The following KIF26B variants were observed in gnomAD, a reference collection of about 807,000 sequenced individuals.
KIF26B encodes the protein kinesin-like protein KIF26B.
In KIF26B, 63 loss-of-function variants were observed where a neutral mutation model predicts 151.2. That is an observed-to-expected ratio of 0.42 (90% confidence interval 0.34 to 0.51). KIF26B has a LOEUF of 0.51. KIF26B is among the 20% of genes least tolerant of loss of function. KIF26B has a pLI of 0.07. For missense variants in KIF26B, 2,813 were observed against 2,913.6 expected (o/e 0.97, Z 0.79); for synonymous variants, 1,357 against 1,262.1 (o/e 1.08, Z -1.59).
At chr1:245,614,403 G>A (rs2043562298) in intron 9 of KIF26B, among the ~76,000 whole-genome samples, 1 of 152,176 alleles carries the variant, frequency 6.6e-6, no homozygotes, top group Non-Finnish European at 1.5e-5. Context: ...TTGAACTCCT[G>A]ACCTCGTGAT....
intron 3 of KIF26B, among the ~76,000 whole-genome samples, chr1:245,416,147 G>T (rs1392791839): frequency 6.6e-6 from 1 of 150,658 alleles, no homozygotes; most frequent in East Asian, 1.9e-4. Flanking sequence ...AGGCACAGGG[G>T]CGCATGCCTG....
At chr1:245,666,621 A>G (rs2044218270) in intron 10 of KIF26B, among the ~76,000 whole-genome samples, 1 of 152,138 alleles carries the variant, frequency 6.6e-6, no homozygotes, top group Non-Finnish European at 1.5e-5. Flanking sequence ...GCTTTGTAAC[A>G]AGACCTCCCA....
chr1:245,678,731 T>C (rs575135574), intron 10 of KIF26B, among the ~76,000 whole-genome samples: 7 of 151,956 alleles, frequency 4.6e-5, no homozygotes, highest in East Asian at 1.9e-4. Context: ...GGCGTGGTGG[T>C]GCATGCCTGT....
Position 245,688,611 on chromosome 1 carries a change from C to T in KIF26B, c.5628C>T (p.Ser1876=), listed in dbSNP as rs1003525640. The T allele has an allele frequency of 1.3e-6, 2 of 1,589,538 alleles. No homozygotes were observed. The highest frequency in any genetic ancestry group is 1.8e-5 in the Admixed American group (1 of 56,960). The stretch of plus-strand genomic sequence containing the variant: ...GCAGCGACAACAGCAGCGTGCTGAG[C>T]GGGGAGCTCCCGCCGGCCATGGGGA... ...GHGSDNSSVL[S]GELPPAMGKT... The change falls in exon 12 of 15, where the codon AGC becomes AGT. Residue 1876 remains serine, a synonymous_variant. Coordinates refer to ENST00000407071, the MANE Select transcript of KIF26B (RefSeq NM_018012.4).
At chr1:245,557,746 A>G (rs111863268) in intron 5 of KIF26B, among the ~76,000 whole-genome samples, 1 of 152,196 alleles carries the variant, frequency 6.6e-6, no homozygotes, top group Non-Finnish European at 1.5e-5. Context: ...ATTTAAACCT[A>G]TAAGGGGAAG....
intron 4 of KIF26B, among the ~76,000 whole-genome samples, chr1:245,509,551 C>T (rs150445646): frequency 9.7e-4 from 147 of 152,300 alleles, no homozygotes; most frequent in African/African-American, 3.2e-3. Flanking sequence ...TCTCTTCTCA[C>T]GTCATTCAAT....
At chr1:245,670,917 GT>G (rs1049858567) in intron 10 of KIF26B, among the ~76,000 whole-genome samples, 1 of 150,958 alleles carries the variant, frequency 6.6e-6, no homozygotes, top group Non-Finnish European at 1.5e-5. Context: ...TAGTCACCCT[GT>G]TGTACTTTCA....
At chr1:245,689,833 C>T (rs1186798818) in intron 12 of KIF26B, among the ~76,000 whole-genome samples, 1 of 152,194 alleles carries the variant, frequency 6.6e-6, no homozygotes, top group Non-Finnish European at 1.5e-5. Context: ...GCTGGGATTA[C>T]AGGCGTGAGC....
intron 2 of KIF26B, among the ~76,000 whole-genome samples, chr1:245,335,577 T>G (rs1672202769): frequency 6.8e-6 from 1 of 146,406 alleles, no homozygotes; most frequent in Non-Finnish European, 1.5e-5. Context: ...GAAAGGAGAG[T>G]CCCACGCGGG....
intron 2 of KIF26B, among the ~76,000 whole-genome samples, chr1:245,347,737 C>T (rs1672482894): frequency 6.6e-6 from 1 of 152,210 alleles, no homozygotes; most frequent in African/African-American, 2.4e-5. Flanking sequence ...TTAGCTGCCA[C>T]CACTCAATCA....
At chr1:245,343,041 A>G (rs916610038) in intron 2 of KIF26B, among the ~76,000 whole-genome samples, 2 of 149,080 alleles carry the variant, frequency 1.3e-5, no homozygotes, top group Non-Finnish European at 3.0e-5. Context: ...AGCCGAGATC[A>G]CACCACTGCA....
intron 5 of KIF26B, among the ~76,000 whole-genome samples, chr1:245,598,396 G>A (rs138522216): frequency 6.7e-4 from 102 of 152,256 alleles, no homozygotes; most frequent in African/African-American, 2.4e-3. Context: ...TTTGCCCATA[G>A]CCCTCCTGAA....
intron 3 of KIF26B, among the ~76,000 whole-genome samples, chr1:245,381,186 G>T (rs748170714): frequency 6.6e-6 from 1 of 152,160 alleles, no homozygotes; most frequent in African/African-American, 2.4e-5. Flanking sequence ...GAAAGGACCC[G>T]TGGCCTGAAC....
chr1:245,497,006 A>T (rs1218133493), intron 4 of KIF26B, among the ~76,000 whole-genome samples: 2 of 152,088 alleles, frequency 1.3e-5, no homozygotes, highest in Non-Finnish European at 2.9e-5. Flanking sequence ...ATACAAAATT[A>T]GCTGGGTGTG....
intron 2 of KIF26B, among the ~76,000 whole-genome samples, chr1:245,324,436 A>G (rs959961052): frequency 2.6e-5 from 4 of 152,184 alleles, no homozygotes; most frequent in Admixed American, 2.0e-4. Context: ...TAAACAGTCA[A>G]AATGTTTACT....
intron 4 of KIF26B, among the ~76,000 whole-genome samples, chr1:245,510,773 G>A (rs1660818559): frequency 1.3e-5 from 2 of 151,794 alleles, no homozygotes; most frequent in Admixed American, 6.6e-5. Context: ...GATTGTGTGA[G>A]CTCCTCTCCC....
rs545840239 is a variant in KIF26B, at chr1:245,235,507, C to T, written c.465+78824C>T. Among the ~76,000 whole-genome samples, 5 of 151,942 alleles carry T rather than the reference C, an allele frequency of 3.3e-5. No individual in the cohort carries two copies. The South Asian group carries it at 6.2e-4, about 19-fold the overall frequency. ...ACTCAGGAGGCAGAGGTGGGGGGATCGCTTGAGCCTAAGAGTTTGAGGTTG... is the reference window on the plus strand; with the variant it reads ...ACTCAGGAGGCAGAGGTGGGGGGATTGCTTGAGCCTAAGAGTTTGAGGTTG... On this transcript the variant is annotated intron_variant, in intron 2 of 14. Coordinates refer to ENST00000407071, the MANE Select transcript of KIF26B (RefSeq NM_018012.4).
In KIF26B at chr1:245,370,462, T is replaced by C. The variant is rs919638906; in HGVS notation, c.999+3095T>C. On this transcript the variant is annotated intron_variant, in intron 3 of 14. Coordinates refer to ENST00000407071, the MANE Select transcript of KIF26B (RefSeq NM_018012.4). Reference sequence around the variant, plus strand: ...ATTAGAATTTAGGTCTTTGCTACTATAAATACAATGCTCAGGTGAACATCC... The same window carrying C: ...ATTAGAATTTAGGTCTTTGCTACTACAAATACAATGCTCAGGTGAACATCC... 4 of 338,992 alleles carry C rather than the reference T, an allele frequency of 1.2e-5. 1 individual carries two copies. Among genetic ancestry groups the C allele is most frequent in the South Asian group, 7.2e-5 (3 of 41,706 alleles). The allele number at this position is 338,992 out of a possible 1,614,324, so 21.0% of individuals were successfully genotyped here.
chr1:245,218,211 T>G lies in KIF26B; in HGVS notation c.465+61528T>G, dbSNP rs1669687812. ...TCCAGCTTTCATGTCACCAGAGCAG[T>G]GACATTCGGGCCCTCGGGGGCAGAC... On this transcript the variant is annotated intron_variant, in intron 2 of 14. Transcript: ENST00000407071. This position sits in a 1 kb window ranked among gnomAD's most constrained non-coding sequence, Gnocchi z 4.1. 6.6e-6 allele frequency among the ~76,000 whole-genome samples: 1 copy of G among 152,084 alleles called. No individual in the cohort carries two copies. Among genetic ancestry groups the G allele is most frequent in the Admixed American group, 6.5e-5 (1 of 15,268 alleles).
Sources: gnomAD v4.1 joint callset for allele counts (sites outside exome capture counted in the v4.1 genomes callset) on GRCh38, gnomAD v4.1.1 for gene constraint, Gnocchi (gnomAD v3.1) non-coding constraint, MANE v1.5 for transcripts, NCBI Gene and HGNC (gene_info 2026-07-23, HGNC 2026-07-21) for gene names.